The following UQCC1 variants were observed in gnomAD, a reference collection of about 807,000 sequenced individuals.
The protein encoded by UQCC1 is ubiquinol-cytochrome c reductase complex assembly factor 1, also known as bFGF-repressed Zic-binding protein.
Under a neutral mutation model 48.0 loss-of-function variants are expected in UQCC1, and 38 were observed. The ratio of observed to expected loss-of-function variants is 0.79; its 90% CI spans 0.61 to 1.04. UQCC1 has a LOEUF of 1.04. UQCC1 is among the 50% of genes least tolerant of loss of function. UQCC1 has a pLI of 0.00. For missense variants in UQCC1, 368 were observed against 381.8 expected (o/e 0.96, Z 0.30); for synonymous variants, 111 against 129.2 (o/e 0.86, Z 0.95).
At chr20:35,366,052 GA>G (rs1174538262) in intron 6 of UQCC1, among the ~76,000 whole-genome samples, 1 of 152,058 alleles carries the variant, frequency 6.6e-6, no homozygotes, top group Non-Finnish European at 1.5e-5. Flanking sequence ...CACAGCTGAA[GA>G]AAAAATATAC....
intron 8 of UQCC1, among the ~76,000 whole-genome samples, chr20:35,308,589 G>A (rs1600848435): frequency 6.6e-6 from 1 of 152,254 alleles, no homozygotes; most frequent in South Asian, 2.1e-4. Context: ...GGAAAAGGAT[G>A]ACTCAGGACC....
chr20:35,349,227 T>C (rs1017811718), intron 6 of UQCC1, among the ~76,000 whole-genome samples: 1 of 152,200 alleles, frequency 6.6e-6, no homozygotes, highest in African/African-American at 2.4e-5. Flanking sequence ...GACAAGAAGC[T>C]GGGCAGGAGA....
chr20:35,411,348 T>C (rs143370627), intron 1 of UQCC1, among the ~76,000 whole-genome samples: 95 of 152,264 alleles, frequency 6.2e-4, no homozygotes, highest in African/African-American at 2.3e-3. Flanking sequence ...ACACCTATGA[T>C]GTGCCAGACA....
chr20:35,403,100 C>G (rs936848924), intron 1 of UQCC1, among the ~76,000 whole-genome samples: 4 of 151,910 alleles, frequency 2.6e-5, no homozygotes, highest in African/African-American at 9.7e-5. Flanking sequence ...TATACACTGC[C>G]TCCTCCCACT....
intron 8 of UQCC1, among the ~76,000 whole-genome samples, chr20:35,309,719 A>G (rs1453027298): frequency 6.6e-6 from 1 of 152,184 alleles, no homozygotes; most frequent in East Asian, 1.9e-4. Context: ...GAGGAAGCCA[A>G]GGGGATTGTT....
At chr20:35,403,537 T>C (rs941881952) in intron 1 of UQCC1, among the ~76,000 whole-genome samples, 8 of 152,154 alleles carry the variant, frequency 5.3e-5, no homozygotes, top group African/African-American at 1.7e-4. Flanking sequence ...GAACTGGCAT[T>C]ATTCCCAGAC....
chr20:35,334,380 C>T (rs2061291217), intron 7 of UQCC1, among the ~76,000 whole-genome samples: 1 of 152,156 alleles, frequency 6.6e-6, no homozygotes, highest in Admixed American at 6.5e-5. Flanking sequence ...CTGCATTTAC[C>T]ATTGCAGGAG....
At chr20:35,363,182 C>CA (rs1032378778) in intron 6 of UQCC1, among the ~76,000 whole-genome samples, 1 of 152,012 alleles carries the variant, frequency 6.6e-6, no homozygotes, top group Admixed American at 6.6e-5. Flanking sequence ...GGGTCAGAGT[C>CA]AAAAAAATTT....
At chr20:35,375,947 TAAAAAAAAAAAAA>T (rs11367331) in intron 4 of UQCC1, among the ~76,000 whole-genome samples, 2 of 64,734 alleles carry the variant, frequency 3.1e-5, no homozygotes, top group African/African-American at 1.3e-4. Context: ...GGACCTTGCC[TAAAAAAAAAAAAA>T]AAAAAAAAAG....
intron 7 of UQCC1, 100 bp from the exon 8 acceptor site, chr20:35,314,865 AAG>A: frequency 7.1e-6 from 6 of 841,420 alleles, no homozygotes; most frequent in Non-Finnish European, 1.1e-5. Flanking sequence ...CTCTTAGTAG[AAG>A]AGAGACGGCC....
intron 5 of UQCC1, among the ~76,000 whole-genome samples, chr20:35,370,418 T>C (rs1600963130): frequency 6.6e-6 from 1 of 152,166 alleles, no homozygotes; most frequent in Non-Finnish European, 1.5e-5. Flanking sequence ...GTGTAATTAT[T>C]TGAAAGATAT....
intron 6 of UQCC1, among the ~76,000 whole-genome samples, chr20:35,355,088 GA>G (rs1354798777): frequency 2.0e-5 from 3 of 152,220 alleles, no homozygotes; most frequent in African/African-American, 7.2e-5. Context: ...GATGTGGAAG[GA>G]AACAGGAGGA....
At chr20:35,358,356 CAAA>C (rs1198006186) in intron 6 of UQCC1, among the ~76,000 whole-genome samples, 36 of 49,388 alleles carry the variant, frequency 7.3e-4, no homozygotes, top group East Asian at 3.6e-3. Flanking sequence ...GACTCTGTCT[CAAA>C]AAAAAAAAAA....
intron 1 of UQCC1, among the ~76,000 whole-genome samples, chr20:35,409,072 A>G (rs2062299273): frequency 6.6e-6 from 1 of 152,224 alleles, no homozygotes; most frequent in Non-Finnish European, 1.5e-5. Flanking sequence ...TAATAGGTTC[A>G]GAGTTTCAGT....
intron 7 of UQCC1, chr20:35,346,481 G>A (rs1444280414): frequency 6.2e-6 from 1 of 162,458 alleles, no homozygotes; most frequent in Non-Finnish European, 1.3e-5. Flanking sequence ...TCACAGCGAA[G>A]GTCTGCGGCT....
At chr20:35,315,635 TCCCAGCA>T (rs1171531623) in intron 7 of UQCC1, among the ~76,000 whole-genome samples, 1 of 152,176 alleles carries the variant, frequency 6.6e-6, no homozygotes, top group Non-Finnish European at 1.5e-5. Context: ...ATGCCTGTAA[TCCCAGCA>T]CTTTGGGAGG....
chr20:35,340,994 C>T (rs1262254286), intron 7 of UQCC1, among the ~76,000 whole-genome samples: 1 of 151,794 alleles, frequency 6.6e-6, no homozygotes, highest in East Asian at 1.9e-4. Context: ...TTTGGAAGGC[C>T]GAGAAGGGCG....
chr20:35,320,447 T>C (rs2061110883), intron 7 of UQCC1, among the ~76,000 whole-genome samples: 1 of 152,204 alleles, frequency 6.6e-6, no homozygotes, highest in African/African-American at 2.4e-5. Context: ...TCCAACTCCA[T>C]TGCCTACCTG....
At chr20:35,380,593 A>G (rs907572899) in intron 4 of UQCC1, among the ~76,000 whole-genome samples, 8 of 152,248 alleles carry the variant, frequency 5.3e-5, no homozygotes, top group African/African-American at 1.9e-4. Flanking sequence ...CCAACTTGTT[A>G]AAATGGTGTA....
Sources: allele counts gnomAD v4.1 joint callset (sites outside exome capture counted in the v4.1 genomes callset), GRCh38; gene constraint gnomAD v4.1.1; transcripts MANE v1.5; gene names NCBI Gene and HGNC (gene_info 2026-07-23, HGNC 2026-07-21).